KIF16B: variants seen among roughly 807,000 people sequenced by gnomAD.
KIF16B encodes the protein kinesin-like protein KIF16B.
Under a neutral mutation model 156.3 loss-of-function variants are expected in KIF16B, and 98 were observed. That is an observed-to-expected ratio of 0.63 (90% CI 0.53 to 0.74). The LOEUF is 0.74. Among genes scored for constraint, KIF16B ranks in the 30% least tolerant of loss-of-function variants. The probability of loss-of-function intolerance (pLI) is 0.00; values close to 1 mark genes in which losing one functional copy is unlikely to be tolerated. For missense variants in KIF16B, 1,421 were observed against 1,606.5 expected (o/e 0.88, Z 1.97); for synonymous variants, 564 against 583.7 (o/e 0.97, Z 0.49).
intron 12 of KIF16B, among the ~76,000 whole-genome samples, chr20:16,468,383 C>G (rs188376147): frequency 6.6e-6 from 1 of 151,732 alleles, no homozygotes; most frequent in Non-Finnish European, 1.5e-5. Flanking sequence ...ACCAGCCTGG[C>G]CAACATGGCG....
chr20:16,353,024 GA>G (rs894157619), intron 23 of KIF16B, among the ~76,000 whole-genome samples: 17 of 152,262 alleles, frequency 1.1e-4, no homozygotes, highest in African/African-American at 3.9e-4. Flanking sequence ...AACAAAAACT[GA>G]TTTTTTAAAA....
At chr20:16,567,700 C>CT (rs1235744425) in intron 1 of KIF16B, among the ~76,000 whole-genome samples, 15 of 152,312 alleles carry the variant, frequency 9.8e-5, no homozygotes, top group African/African-American at 3.6e-4. Context: ...CCTGTAATAC[C>CT]AGCACTTGGG....
At chr20:16,512,378 C>G (rs1029824766) in intron 5 of KIF16B, among the ~76,000 whole-genome samples, 1 of 152,074 alleles carries the variant, frequency 6.6e-6, no homozygotes, top group Admixed American at 6.5e-5. Flanking sequence ...TTGAAACTAC[C>G]GAAGAGACTG....
chr20:16,428,517 G>A (rs80232012), intron 14 of KIF16B, among the ~76,000 whole-genome samples: 2 of 152,302 alleles, frequency 1.3e-5, no homozygotes, highest in East Asian at 3.9e-4. Context: ...TGTGTATGCT[G>A]TGTTTTCTCC....
chr20:16,429,143 AG>A (rs2066434319), intron 13 of KIF16B, 139 bp from the exon 14 acceptor site: 3 of 733,848 alleles, frequency 4.1e-6, no homozygotes. Flanking sequence ...CAATGCATCG[AG>A]AGCTCCCCAA....
At chr20:16,398,210 G>A (rs1420625189) in intron 17 of KIF16B, among the ~76,000 whole-genome samples, 1 of 152,192 alleles carries the variant, frequency 6.6e-6, no homozygotes, top group Non-Finnish European at 1.5e-5. Context: ...GGGGGAAGGC[G>A]TCACAGACAG....
At position 16,406,467 on chromosome 20, in the gene KIF16B, A is replaced by C. The variant is rs1278344703; in HGVS notation, c.1613-11T>G. On this transcript the variant is annotated splice_polypyrimidine_tract_variant and intron_variant, in intron 15 of 25. Coordinates refer to ENST00000354981, the MANE Select transcript of KIF16B (RefSeq NM_024704.5). The stretch of plus-strand genomic sequence containing the variant: ...AGAGAATCACAGCACCTGAAAACAC[A>C]CAAAAACAGTAATGAATTTACAGTA... 1.2e-6 allele frequency: 2 copies of C among 1,612,424 alleles called. No individual in the cohort carries two copies. The highest frequency in any genetic ancestry group is 1.7e-6 in the Non-Finnish European group (2 of 1,178,744).
chr20:16,512,292 G>C (rs137942492), intron 5 of KIF16B, among the ~76,000 whole-genome samples: 15 of 152,312 alleles, frequency 9.8e-5, no homozygotes, highest in African/African-American at 3.4e-4. Context: ...GGGAGGTTTA[G>C]TGTGATTCAA....
At chr20:16,275,560 A>G (rs2063048430) in intron 25 of KIF16B, among the ~76,000 whole-genome samples, 1 of 152,182 alleles carries the variant, frequency 6.6e-6, no homozygotes, top group Non-Finnish European at 1.5e-5. Flanking sequence ...AGGAGAGGTG[A>G]GCAAGGCTAG....
chr20:16,292,250 T>C (rs2063324373), intron 25 of KIF16B, among the ~76,000 whole-genome samples: 1 of 152,180 alleles, frequency 6.6e-6, no homozygotes. Context: ...AAATGGATGG[T>C]AGCTTTACAT....
intron 24 of KIF16B, among the ~76,000 whole-genome samples, chr20:16,313,635 G>C (rs1053328240): frequency 1.3e-5 from 2 of 152,132 alleles, no homozygotes; most frequent in African/African-American, 4.8e-5. Flanking sequence ...TATGACAATA[G>C]CATCGCTTGG....
intron 23 of KIF16B, among the ~76,000 whole-genome samples, chr20:16,354,477 TACACACAC>T (rs10567864): frequency 0.061 from 9,122 of 148,704 alleles, 788 homozygotes; most frequent in African/African-American, 0.2. Context: ...AATGGAATTC[TACACACAC>T]ACACACACAC....
chr20:16,284,797 GGCCACA>G (rs2063199401), intron 25 of KIF16B, among the ~76,000 whole-genome samples: 1 of 152,122 alleles, frequency 6.6e-6, no homozygotes, highest in Admixed American at 6.5e-5. Context: ...CAGAAAAACA[GGCCACA>G]GCACAGTAGA....
At chr20:16,368,706 C>T (rs921967779) in intron 22 of KIF16B, 40 of 985,890 alleles carry the variant, frequency 4.1e-5, no homozygotes, top group East Asian at 2.3e-4. Context: ...AAAACTCAGA[C>T]GCCAGTACGC....
chr20:16,465,140 A>C (rs1169567151), intron 12 of KIF16B, among the ~76,000 whole-genome samples: 1 of 152,208 alleles, frequency 6.6e-6, no homozygotes, highest in African/African-American at 2.4e-5. Flanking sequence ...TATATACCTG[A>C]AAAAGCATTT....
At chr20:16,423,149 T>C (rs1388464928) in intron 15 of KIF16B, among the ~76,000 whole-genome samples, 2 of 151,952 alleles carry the variant, frequency 1.3e-5, no homozygotes, top group African/African-American at 4.8e-5. Flanking sequence ...ATAAATGGCA[T>C]ACCAATATGA....
chr20:16,563,286 A>G (rs2071134151), intron 1 of KIF16B, among the ~76,000 whole-genome samples: 1 of 152,208 alleles, frequency 6.6e-6, no homozygotes, highest in South Asian at 2.1e-4. Context: ...AGTCCAAGCC[A>G]GTGCTGACCA....
intron 22 of KIF16B, chr20:16,367,673 A>G: frequency 1.2e-6 from 2 of 1,612,616 alleles, no homozygotes; most frequent in Non-Finnish European, 1.7e-6. Context: ...TGGAATTTGG[A>G]TGACACCTGA....
At chr20:16,479,907 G>C (rs1409370911) in intron 12 of KIF16B, among the ~76,000 whole-genome samples, 2 of 152,194 alleles carry the variant, frequency 1.3e-5, no homozygotes, top group Non-Finnish European at 1.5e-5. Flanking sequence ...ACTGTGCTCT[G>C]TACATTCCAT....
Sources: allele counts gnomAD v4.1 joint callset (sites outside exome capture counted in the v4.1 genomes callset), GRCh38; gene constraint gnomAD v4.1.1; transcripts MANE v1.5; gene names NCBI Gene and HGNC (gene_info 2026-07-23, HGNC 2026-07-21).